Variants in C2orf42 observed in about 807,000 individuals in gnomAD.
The protein encoded by C2orf42 is uncharacterized protein C2orf42.
In C2orf42, 44 loss-of-function variants were observed where a neutral mutation model predicts 58.9. That is an observed-to-expected ratio of 0.75 (90% CI 0.59 to 0.96). The LOEUF (loss-of-function observed/expected upper bound fraction) is 0.96. Ranked by LOEUF, C2orf42 falls within the 40% of genes least tolerant of loss-of-function variation. C2orf42 has a pLI of 0.00. For missense variants in C2orf42, 630 were observed against 699.2 expected (o/e 0.90, Z 1.12); for synonymous variants, 239 against 265.4 (o/e 0.90, Z 0.97).
At chr2:70,189,489 G>GGGCAGATCACAA (rs1317169747) in intron 1 of C2orf42, among the ~76,000 whole-genome samples, 1 of 150,980 alleles carries the variant, frequency 6.6e-6, no homozygotes, top group Non-Finnish European at 1.5e-5. Context: ...AGGCCGAGGC[G>GGGCAGATCACAA]GGCAGATCAC....
chr2:70,165,513 AG>A lies in C2orf42; in HGVS notation c.1252+14del. 7.2e-7 allele frequency: 1 copy of A among 1,387,034 alleles called. No individual in the cohort carries two copies. Among genetic ancestry groups the A allele is most frequent in the Non-Finnish European group, 1.0e-6 (1 of 973,842 alleles). 85.9% of individuals were successfully genotyped at this position (1,387,034 alleles called of 1,614,324 possible). ...TTCGAGACATCCATCACTATACCAA[AG>A]GGAAATCCTGTACCTGTGGTGGAGT... is the stretch of plus-strand genomic sequence containing the variant. On this transcript the variant is annotated intron_variant, in intron 7 of 9. Coordinates refer to ENST00000264434, the MANE Select transcript of C2orf42 (RefSeq NM_017880.3).
intron 9 of C2orf42, among the ~76,000 whole-genome samples, chr2:70,153,753 T>C (rs1316467487): frequency 6.7e-6 from 1 of 150,316 alleles, no homozygotes; most frequent in African/African-American, 2.4e-5. Context: ...ATGACTGATA[T>C]ATCTATCCAA....
intron 5 of C2orf42, among the ~76,000 whole-genome samples, chr2:70,171,272 C>T: frequency 6.6e-6 from 1 of 152,062 alleles, no homozygotes; most frequent in South Asian, 2.1e-4. Flanking sequence ...GAGACCCCAT[C>T]TCAAGTAAAA....
intron 8 of C2orf42, among the ~76,000 whole-genome samples, chr2:70,164,773 T>C (rs1487890850): frequency 6.6e-6 from 1 of 152,222 alleles, no homozygotes; most frequent in Non-Finnish European, 1.5e-5. Flanking sequence ...ACTTTCTAGC[T>C]GCCTGCCAGT....
At position 70,181,220 on chromosome 2, in the gene C2orf42, C is replaced by T; in HGVS notation, c.766G>A (p.Ala256Thr). 6.3e-7 allele frequency: 1 copy of T among 1,597,858 alleles called. No individual in the cohort carries two copies. Among genetic ancestry groups the T allele is most frequent in the East Asian group, 2.2e-5 (1 of 44,456 alleles). ...IHFFACICAF[A>T]SDETLAQEFS... ...TCCTGAGCCAGTGTCTCATCACTGG[C>T]AAAGGCACAGATGCAAGCAAAGAAA... The change falls in exon 3 of 10, where the codon GCC becomes ACC. Residue 256 changes from alanine to threonine, a missense_variant. Physicochemically the swap from Ala to Thr is moderately conservative, Grantham distance 58. Coordinates refer to ENST00000264434, the MANE Select transcript of C2orf42 (RefSeq NM_017880.3).
At chr2:70,183,876 G>A (rs1674749892) in intron 1 of C2orf42, among the ~76,000 whole-genome samples, 1 of 151,898 alleles carries the variant, frequency 6.6e-6, no homozygotes, top group South Asian at 2.1e-4. Context: ...TGTGATCACA[G>A]CTTACTGCAG....
chr2:70,188,642 C>A (rs902987885), intron 1 of C2orf42, among the ~76,000 whole-genome samples: 1 of 152,136 alleles, frequency 6.6e-6, no homozygotes, highest in Non-Finnish European at 1.5e-5. Context: ...AACCAAGGGA[C>A]CAACATTGCC....
intron 1 of C2orf42, chr2:70,190,742 G>A (rs1675302051): frequency 6.6e-6 from 1 of 152,354 alleles, no homozygotes; most frequent in South Asian, 2.1e-4. Context: ...ATATCCCCTG[G>A]GACCTGCTTC....
At chr2:70,178,852 G>A (rs1674362324) in intron 4 of C2orf42, among the ~76,000 whole-genome samples, 1 of 150,916 alleles carries the variant, frequency 6.6e-6, no homozygotes, top group African/African-American at 2.4e-5. Flanking sequence ...TTGAACCCGG[G>A]AGGCAGAGGT....
intron 6 of C2orf42, 119 bp downstream of exon 6, chr2:70,169,438 T>C: frequency 2.2e-6 from 1 of 459,006 alleles, no homozygotes; most frequent in Non-Finnish European, 3.9e-6. Flanking sequence ...TACTTTCTTG[T>C]GGCCCAGTGC....
At chr2:70,167,975 G>A (rs1344753410) in intron 6 of C2orf42, among the ~76,000 whole-genome samples, 1 of 151,870 alleles carries the variant, frequency 6.6e-6, no homozygotes, top group Non-Finnish European at 1.5e-5. Flanking sequence ...GTTCACGCCT[G>A]TAATCCCAGC....
chr2:70,189,274 C>T (rs553261449), intron 1 of C2orf42, among the ~76,000 whole-genome samples: 35 of 151,382 alleles, frequency 2.3e-4, no homozygotes, highest in African/African-American at 8.2e-4. Flanking sequence ...GGCGTGGTGA[C>T]GTATGCCTGT....
rs781735784 is a variant in C2orf42, at chr2:70,150,458, A to G, written c.1623T>C (p.Tyr541=). Residue 541 remains tyrosine, a synonymous_variant, in exon 10 of 10, where the codon TAT becomes TAC. Transcript: ENST00000264434. The stretch of plus-strand genomic sequence containing the variant: ...CCACATGCCCATTCCGGTGGTGGCC[A>G]TACTCAAACTTGATCCGCAGCTCGC... ...KIGELRIKFE[Y]GHHRNGHVAE... is the part of the protein sequence containing the mutation. 12 of 1,614,178 alleles carry G rather than the reference A, an allele frequency of 7.4e-6. No individual in the cohort carries two copies. The South Asian group carries it at 1.2e-4, about 16-fold the overall frequency.
intron 5 of C2orf42, among the ~76,000 whole-genome samples, chr2:70,172,917 C>T (rs1673923353): frequency 6.6e-6 from 1 of 152,130 alleles, no homozygotes; most frequent in South Asian, 2.1e-4. Context: ...AATCCCAGCA[C>T]TTTGGGAGGC....
At chr2:70,162,702 G>A (rs1673134432) in intron 8 of C2orf42, among the ~76,000 whole-genome samples, 2 of 151,858 alleles carry the variant, frequency 1.3e-5, no homozygotes, top group Non-Finnish European at 2.9e-5. Flanking sequence ...TGAACTCCTG[G>A]CCTCAAGCAA....
Position 70,150,193 on chromosome 2 carries a change from A to G in C2orf42, c.*163T>C, listed in dbSNP as rs1361251896. On this transcript the variant is annotated 3_prime_UTR_variant, in exon 10 of 10. Transcript: ENST00000264434. ...GCATCAAAAAGGCTATTTACAAGAG[A>G]TTTTCTTCAACAGAATCCACTTGAA... The G allele has an allele frequency of 1.1e-5, 7 of 629,152 alleles. No homozygotes were observed. Among genetic ancestry groups the G allele is most frequent in the Non-Finnish European group, 2.0e-5 (7 of 356,442 alleles). The allele number at this position is 629,152 out of a possible 1,614,324, so 39.0% of individuals were successfully genotyped here.
Position 70,160,776 on chromosome 2 carries a change from T to A in C2orf42, c.1365A>T (p.Glu455Asp), listed in dbSNP as rs1332463610. The A allele has an allele frequency of 3.1e-6, 5 of 1,595,710 alleles. No individual in the cohort carries two copies. Among genetic ancestry groups the A allele is most frequent in the Non-Finnish European group, 4.3e-6 (5 of 1,174,412 alleles). ...GGTTCTGGATAAAGCTACGGGTGAT[T>A]TCCAAGGGCATCTGGACACCAAGAC... is the stretch of plus-strand genomic sequence containing the variant. ...QILDTPEMPL[E>D]ITRSFIQNRD... The change falls in exon 9 of 10, where the codon GAA becomes GAT. Residue 455 changes from glutamate (E) to aspartate (D), a missense_variant. Coordinates refer to ENST00000264434, the MANE Select transcript of C2orf42 (RefSeq NM_017880.3).
intron 8 of C2orf42, among the ~76,000 whole-genome samples, chr2:70,162,954 G>A (rs575248839): frequency 7.2e-5 from 11 of 151,932 alleles, no homozygotes; most frequent in Non-Finnish European, 8.8e-5. Flanking sequence ...TGCAACCTCC[G>A]CCTCCCGGGT....
intron 1 of C2orf42, chr2:70,190,504 C>G (rs1675279142): frequency 6.6e-6 from 1 of 152,230 alleles, no homozygotes; most frequent in African/African-American, 2.4e-5. Context: ...AACTGTTACT[C>G]AGATTTGACG....
Sources: allele counts gnomAD v4.1 joint callset (sites outside exome capture counted in the v4.1 genomes callset), GRCh38; gene constraint gnomAD v4.1.1; transcripts MANE v1.5; gene names NCBI Gene and HGNC (gene_info 2026-07-23, HGNC 2026-07-21).